Variants in CDH2 observed in about 807,000 individuals in gnomAD.
The protein encoded by CDH2 is cadherin-2.
A neutral mutation model predicts 92.0 loss-of-function variants in CDH2; 17 were observed. The ratio of observed to expected loss-of-function variants is 0.18; its 90% confidence interval spans 0.13 to 0.28. The LOEUF is 0.28. Ranked by LOEUF, CDH2 falls within the 10% of genes least tolerant of loss-of-function variation. CDH2 has a pLI of 1.00. For synonymous variants in CDH2, 419 were observed against 415.9 expected (o/e 1.01, Z -0.09); for missense variants, 862 against 1,133.1 (o/e 0.76, Z 3.44).
chr18:28,038,071 G>A (rs954879831), intron 2 of CDH2, among the ~76,000 whole-genome samples: 1 of 152,118 alleles, frequency 6.6e-6, no homozygotes, highest in African/African-American at 2.4e-5. Context: ...AAACCTCAAG[G>A]AGGAAACAGT....
chr18:28,031,959 A>C (rs955072927), intron 2 of CDH2, among the ~76,000 whole-genome samples: 1 of 152,132 alleles, frequency 6.6e-6, no homozygotes, highest in African/African-American at 2.4e-5. Context: ...GAAATGAGTG[A>C]TGTGAATCAC....
At chr18:27,999,947 C>A (rs904239430) in intron 7 of CDH2, among the ~76,000 whole-genome samples, 1 of 151,974 alleles carries the variant, frequency 6.6e-6, no homozygotes, top group African/African-American at 2.4e-5. Flanking sequence ...TGGCATTTCC[C>A]CTGCTTGCAC....
intron 14 of CDH2, among the ~76,000 whole-genome samples, chr18:27,981,843 T>C (rs2012066999): frequency 6.6e-6 from 1 of 152,222 alleles, no homozygotes; most frequent in Non-Finnish European, 1.5e-5. Context: ...GAATCCTGGG[T>C]TCTCTTTCAG....
Position 27,993,654 on chromosome 18 carries a change from A to C in CDH2, c.1021-17T>G, listed in dbSNP as rs758187333. 2.5e-6 allele frequency: 4 copies of C among 1,586,470 alleles called. No individual in the cohort carries two copies. Among genetic ancestry groups the C allele is most frequent in the Non-Finnish European group, 3.5e-6 (4 of 1,157,792 alleles). On this transcript the variant is annotated splice_polypyrimidine_tract_variant and intron_variant, in intron 7 of 15. Coordinates refer to ENST00000269141, the MANE Select transcript of CDH2 (RefSeq NM_001792.5). ...TTGCACTTTCTAAAAAGACATAAAG[A>C]TAAGAACTTAAATGAAACTAATTCC...
intron 2 of CDH2, among the ~76,000 whole-genome samples, chr18:28,042,222 T>C (rs946434521): frequency 2.0e-5 from 3 of 152,218 alleles, no homozygotes; most frequent in African/African-American, 7.2e-5. Context: ...TGCTTATTCA[T>C]AGACAAGTTT....
intron 2 of CDH2, among the ~76,000 whole-genome samples, chr18:28,084,633 T>C (rs2014892711): frequency 6.6e-6 from 1 of 151,840 alleles, no homozygotes; most frequent in Non-Finnish European, 1.5e-5. Flanking sequence ...AGTACCAGAC[T>C]GCTCTTACCA....
At chr18:28,174,751 T>C (rs962709843) in intron 1 of CDH2, among the ~76,000 whole-genome samples, 1 of 152,214 alleles carries the variant, frequency 6.6e-6, no homozygotes, top group South Asian at 2.1e-4. Flanking sequence ...TTTCCCACAG[T>C]ATTCATGACC....
intron 2 of CDH2, among the ~76,000 whole-genome samples, chr18:28,022,291 T>C (rs1163244696): frequency 6.6e-6 from 1 of 152,028 alleles, no homozygotes; most frequent in Non-Finnish European, 1.5e-5. Context: ...AGAATGTCTA[T>C]ACAGAGCTTG....
At chr18:28,093,798 G>A (rs1324698131) in intron 2 of CDH2, among the ~76,000 whole-genome samples, 3 of 152,240 alleles carry the variant, frequency 2.0e-5, no homozygotes, top group South Asian at 4.2e-4. Flanking sequence ...GTCACAAAGA[G>A]AATCATAACT....
chr18:28,123,311 C>T lies in CDH2; in HGVS notation c.172+24362G>A, dbSNP rs560296555. Among the ~76,000 whole-genome samples, 10 of 152,230 alleles carry T rather than the reference C, an allele frequency of 6.6e-5. No homozygotes were observed. The South Asian group carries it at 1.5e-3, about 22-fold the overall frequency. ...GAGTTGACAGATCACCTCTCAGATG[C>T]TATGATGATCCATGTATTTTTGATA... On this transcript the variant is annotated intron_variant, in intron 2 of 15. Transcript: ENST00000269141.
intron 2 of CDH2, among the ~76,000 whole-genome samples, chr18:28,039,991 C>G (rs1788187596): frequency 6.6e-6 from 1 of 152,184 alleles, no homozygotes. Context: ...AAATCAGAAG[C>G]ACATCTCATT....
At chr18:28,085,791 A>T (rs912469827) in intron 2 of CDH2, among the ~76,000 whole-genome samples, 1 of 152,086 alleles carries the variant, frequency 6.6e-6, no homozygotes, top group Non-Finnish European at 1.5e-5. Context: ...AGTGCAAAAC[A>T]CTGTGTTTGG....
chr18:28,147,242 T>G (rs1395996743), intron 2 of CDH2, among the ~76,000 whole-genome samples: 2 of 152,084 alleles, frequency 1.3e-5, no homozygotes, highest in South Asian at 2.1e-4. Flanking sequence ...CAGCTATATA[T>G]TAAAGCTTCA....
intron 6 of CDH2, among the ~76,000 whole-genome samples, chr18:27,939,434 G>C (rs980375687): frequency 6.6e-6 from 1 of 152,152 alleles, no homozygotes. Flanking sequence ...AACCTCCTAC[G>C]TGACCTTTAT....
chr18:28,167,163 C>T (rs2016397761), intron 1 of CDH2, among the ~76,000 whole-genome samples: 1 of 151,988 alleles, frequency 6.6e-6, no homozygotes, highest in Non-Finnish European at 1.5e-5. Flanking sequence ...AACTTCAGGT[C>T]AGAAAGATAT....
At chr18:28,152,707 G>T (rs1176802803) in intron 1 of CDH2, among the ~76,000 whole-genome samples, 1 of 152,162 alleles carries the variant, frequency 6.6e-6, no homozygotes, top group Non-Finnish European at 1.5e-5. Context: ...GGCTGGGGGA[G>T]CCAGGGACAG....
chr18:28,149,002 T>C (rs2016080488), intron 1 of CDH2, among the ~76,000 whole-genome samples: 1 of 152,218 alleles, frequency 6.6e-6, no homozygotes, highest in African/African-American at 2.4e-5. Flanking sequence ...GAGATACTAG[T>C]TCAGGCCCAT....
chr18:27,981,145 G>C (rs889809411), intron 14 of CDH2, among the ~76,000 whole-genome samples: 1 of 152,032 alleles, frequency 6.6e-6, no homozygotes, highest in African/African-American at 2.4e-5. Context: ...AGTTACTACC[G>C]GTGGTCTTAC....
At chr18:27,948,469 CCTT>C (rs1033373069), downstream of CDH2, among the ~76,000 whole-genome samples, 2 of 151,746 alleles carry the variant, frequency 1.3e-5, no homozygotes, top group African/African-American at 4.8e-5. Context: ...GGTGTTAAGA[CCTT>C]CTCAAAAATC....
Sources: allele counts gnomAD v4.1 joint callset (sites outside exome capture counted in the v4.1 genomes callset), GRCh38; gene constraint gnomAD v4.1.1; transcripts MANE v1.5; gene names NCBI Gene and HGNC (gene_info 2026-07-23, HGNC 2026-07-21).